LRRIQ1: variants seen among roughly 807,000 people sequenced by gnomAD.
The protein encoded by LRRIQ1 is leucine-rich repeat- and IQ domain-containing protein 1.
Under a neutral mutation model 211.9 loss-of-function variants are expected in LRRIQ1, and 210 were observed. The ratio of observed to expected loss-of-function variants is 0.99; its 90% CI spans 0.89 to 1.11. LRRIQ1 has a LOEUF of 1.11. Ranked by LOEUF, LRRIQ1 falls within the 50% of genes most tolerant of loss-of-function variation. LRRIQ1 has a pLI of 0.00. For synonymous variants in LRRIQ1, 699 were observed against 650.1 expected, an observed-to-expected ratio of 1.08 and a Z score of -1.14; for missense variants, 2,136 against 1,939.5, an observed-to-expected ratio of 1.10 and a Z score of -1.90.
chr12:85,204,044 C>T (rs1406469015), intron 24 of LRRIQ1, among the ~76,000 whole-genome samples: 1 of 152,110 alleles, frequency 6.6e-6, no homozygotes, highest in African/African-American at 2.4e-5. Flanking sequence ...GGCCCAAGGT[C>T]CCAATGCTGT....
intron 3 of LRRIQ1, among the ~76,000 whole-genome samples, chr12:85,041,465 G>T (rs372223795): frequency 4.0e-5 from 6 of 151,606 alleles, no homozygotes; most frequent in African/African-American, 1.2e-4. Flanking sequence ...GTCAGGGAAG[G>T]TCTCTGTGAC....
chr12:85,207,056 A>G (rs1893593433), intron 24 of LRRIQ1, among the ~76,000 whole-genome samples: 1 of 152,084 alleles, frequency 6.6e-6, no homozygotes, highest in African/African-American at 2.4e-5. Flanking sequence ...CTGACAGTTC[A>G]TGTCCTGGAG....
At chr12:85,226,446 C>A (rs955156769) in intron 24 of LRRIQ1, among the ~76,000 whole-genome samples, 1 of 151,896 alleles carries the variant, frequency 6.6e-6, no homozygotes, top group Non-Finnish European at 1.5e-5. Flanking sequence ...AGAAAGGAGA[C>A]CCAATGCAGT....
chr12:85,103,569 T>G (rs1886547330), intron 13 of LRRIQ1, among the ~76,000 whole-genome samples: 1 of 151,696 alleles, frequency 6.6e-6, no homozygotes, highest in South Asian at 2.1e-4. Flanking sequence ...CATTTGTACC[T>G]TAAAAGTTTT....
intron 18 of LRRIQ1, among the ~76,000 whole-genome samples, chr12:85,136,144 C>G (rs532686354): frequency 5.3e-5 from 8 of 151,932 alleles, no homozygotes; most frequent in African/African-American, 1.9e-4. Context: ...ACTCCTCTCC[C>G]TCACTCCTCC....
intron 10 of LRRIQ1, among the ~76,000 whole-genome samples, chr12:85,069,127 TC>T (rs1882785534): frequency 7.0e-6 from 1 of 142,010 alleles, no homozygotes; most frequent in Non-Finnish European, 1.5e-5. Context: ...TATGTGATGT[TC>T]CCCACCCTGT....
intron 25 of LRRIQ1, among the ~76,000 whole-genome samples, chr12:85,232,191 A>G (rs1254301143): frequency 6.6e-6 from 1 of 152,080 alleles, no homozygotes; most frequent in East Asian, 1.9e-4. Flanking sequence ...ATAGGTAGTC[A>G]TATTTTAAGA....
chr12:85,263,138 A>G, exon 2 of LRRIQ1: 1 of 893,592 alleles, frequency 1.1e-6, no homozygotes, highest in Non-Finnish European at 1.3e-6. Context: ...TACCAACTGG[A>G]TACAAGGTTT....
intron 14 of LRRIQ1, among the ~76,000 whole-genome samples, 186 bp from the exon 15 acceptor site, chr12:85,106,336 A>G (rs1412745390): frequency 1.3e-5 from 2 of 152,236 alleles, no homozygotes; most frequent in Admixed American, 1.3e-4. Context: ...AATGGTAGAA[A>G]CATATATTCT....
At chr12:85,152,217 T>C in intron 19 of LRRIQ1, 63 bp from the exon 20 acceptor site, 1 of 1,391,664 alleles carries the variant, frequency 7.2e-7, no homozygotes, top group Non-Finnish European at 9.9e-7. Context: ...TAAGATGAAT[T>C]AAAAGAAACA....
chr12:85,195,362 C>T (rs1203388110), intron 24 of LRRIQ1, among the ~76,000 whole-genome samples: 1 of 149,562 alleles, frequency 6.7e-6, no homozygotes, highest in Non-Finnish European at 1.5e-5. Context: ...CAGGCAGACA[C>T]ACAACAAAAA....
chr12:85,125,586 C>A (rs1440459643), intron 17 of LRRIQ1, among the ~76,000 whole-genome samples: 1 of 152,064 alleles, frequency 6.6e-6, no homozygotes, highest in Non-Finnish European at 1.5e-5. Flanking sequence ...TTGCTTTTCC[C>A]AGTCTTCCTT....
chr12:85,098,323 A>C (rs775731050), intron 11 of LRRIQ1, 32 bp from the exon 12 acceptor site: 1 of 1,433,566 alleles, frequency 7.0e-7, no homozygotes, highest in South Asian at 1.2e-5. Context: ...AGACTGTATG[A>C]CACAGGTGAT....
In LRRIQ1 at chr12:85,250,957, A is replaced by ATATATAATATATTTTATATATTG. The variant is rs1565929019; in HGVS notation, c.121+6053_121+6054insAATATATTTTATATATTGTATAT. ...TTATATATAATATATTTTATATATT[A>ATATATAATATATTTTATATATTG]TATATTATATTATATATATTATAGA... is the stretch of plus-strand genomic sequence containing the variant. On this transcript the variant is annotated intron_variant, in intron 1 of 1. Transcript: ENST00000602731. 9.5e-4 allele frequency among the ~76,000 whole-genome samples: 88 copies of ATATATAATATATTTTATATATTG among 93,042 alleles called. 12 individuals carry two copies. The highest frequency in any genetic ancestry group is 5.7e-3 in the African/African-American group (80 of 14,036). 61.0% of individuals were successfully genotyped at this position (93,042 alleles called of 152,430 possible). A position where few individuals can be genotyped will look rare whatever the true frequency, so the allele number is the denominator to read the frequency against.
At chr12:85,064,130 A>C (rs1882160834) in intron 8 of LRRIQ1, among the ~76,000 whole-genome samples, 1 of 151,788 alleles carries the variant, frequency 6.6e-6, no homozygotes, top group Non-Finnish European at 1.5e-5. Flanking sequence ...TGGCTGTACT[A>C]ATTCACATTC....
chr12:85,047,449 GA>G lies in LRRIQ1; in HGVS notation c.660del (p.Lys220AsnfsTer2). 1 of 1,611,832 alleles carries G rather than the reference GA, an allele frequency of 6.2e-7. No homozygotes were observed. The highest frequency in any genetic ancestry group is 8.5e-7 in the Non-Finnish European group (1 of 1,179,170). On this transcript the variant is annotated frameshift_variant, in exon 6 of 27. Transcript: ENST00000393217. LOFTEE classifies it high-confidence loss of function. The part of the protein sequence containing the change: ...WMKQFKVEKK[K>X]LENIQKQEQD... Reference sequence around the variant, plus strand: ...TGAAACAATTTAAAGTTGAAAAGAAGAAATTAGAGAACATTCAGAAGGTATT... The same window carrying G: ...TGAAACAATTTAAAGTTGAAAAGAAGAATTAGAGAACATTCAGAAGGTATT...
intron 24 of LRRIQ1, among the ~76,000 whole-genome samples, chr12:85,183,039 G>A (rs1892061193): frequency 6.6e-6 from 1 of 152,116 alleles, no homozygotes; most frequent in South Asian, 2.1e-4. Context: ...AGTTTTAATG[G>A]CCTAGTTTCT....
At chr12:85,130,828 C>T (rs1216810374) in intron 18 of LRRIQ1, among the ~76,000 whole-genome samples, 1 of 152,128 alleles carries the variant, frequency 6.6e-6, no homozygotes, top group Non-Finnish European at 1.5e-5. Flanking sequence ...TTCACCAAAA[C>T]CACATTCTTC....
At chr12:85,053,883 A>G in intron 7 of LRRIQ1, among the ~76,000 whole-genome samples, 1 of 152,146 alleles carries the variant, frequency 6.6e-6, no homozygotes, top group East Asian at 1.9e-4. Flanking sequence ...AATTTTTTGT[A>G]TTGTTAGTAG....
Sources: gnomAD v4.1 joint callset for allele counts (sites outside exome capture counted in the v4.1 genomes callset) on GRCh38, gnomAD v4.1.1 for gene constraint, MANE v1.5 for transcripts, NCBI Gene and HGNC (gene_info 2026-07-23, HGNC 2026-07-21) for gene names.